TRPM4: variants seen among roughly 807,000 people sequenced by gnomAD.
The protein encoded by TRPM4 is calcium-activated non-selective cation channel 1.
In TRPM4, 124 loss-of-function variants were observed where a neutral mutation model predicts 135.6. The ratio of observed to expected loss-of-function variants is 0.91; its 90% CI spans 0.79 to 1.06. TRPM4 has a LOEUF of 1.06. Ranked by LOEUF, TRPM4 falls within the 50% of genes least tolerant of loss-of-function variation. The pLI is 0.00. For missense variants in TRPM4, 1,658 were observed against 1,671.4 expected (o/e 0.99, Z 0.14); for synonymous variants, 745 against 705.6 (o/e 1.06, Z -0.88).
intron 9 of TRPM4, among the ~76,000 whole-genome samples, chr19:49,179,433 C>T (rs1772790459): frequency 6.6e-6 from 1 of 151,948 alleles, no homozygotes; most frequent in African/African-American, 2.4e-5. Context: ...TCACTGCAAC[C>T]TCCACCTCCC....
Position 49,183,112 on chromosome 19 carries a change from T to C in TRPM4, c.1643T>C (p.Leu548Pro). ...YLLSDKATSP[L>P]SLDAGLGQAP... ...CTCTCGGACAAGGCCACCTCGCCGC[T>C]CTCGCTGGATGCTGGCCTCGGGCAG... is the stretch of plus-strand genomic sequence containing the variant. The change falls in exon 12 of 25, where the codon CTC (leucine) becomes CCC (proline). Residue 548 changes from leucine to proline, a missense_variant. Transcript: ENST00000252826. The C allele has an allele frequency of 6.2e-7, 1 of 1,613,532 alleles. No individual in the cohort carries two copies.
rs375523320 is a variant in TRPM4, at chr19:49,210,261, C to G, written c.3184C>G (p.Arg1062Gly). ...CAGCGATCTCTACTGGAAGGCGCAG[C>G]GTTACCGCCTCATCCGGGAATTCCA... is the stretch of plus-strand genomic sequence containing the variant. The part of the protein sequence containing the change: ...GNSDLYWKAQ[R>G]YRLIREFHSR... The change falls in exon 21 of 25, where the codon CGT (arginine) becomes GGT (glycine). Residue 1062 changes from arginine (R) to glycine (G), a missense_variant. By Grantham distance (125) the Arg-to-Gly change is moderately radical. Around this residue, in one of 3 missense-constraint regions of TRPM4, gnomAD observed 1,412 missense variants for 1,408.7 expected, o/e 1.00. Coordinates refer to ENST00000252826, the MANE Select transcript of TRPM4 (RefSeq NM_017636.4). This position sits in a 1 kb window ranked among gnomAD's most constrained non-coding sequence, Gnocchi z 4.1. The G allele has an allele frequency of 1.7e-5, 28 of 1,614,110 alleles. No homozygotes were observed. The highest frequency in any genetic ancestry group is 2.5e-6 in the Non-Finnish European group (3 of 1,180,058).
At position 49,202,083 on chromosome 19, in the gene TRPM4, G is replaced by A. The variant is rs186822052; in HGVS notation, c.3073G>A (p.Val1025Ile). The change falls in exon 20 of 25, where the codon GTC becomes ATC. Residue 1025 changes from valine to isoleucine, a missense_variant. Physicochemically the swap from Val to Ile is conservative, Grantham distance 29. Transcript: ENST00000252826. ...YANWLVVLLL[V>I]IFLLVANILL... is the part of the protein sequence containing the mutation. ...CAACTGGCTGGTGGTGCTGCTCCTCGTCATCTTCCTGCTCGTGGCCAACAT... is the reference window on the plus strand; with the variant it reads ...CAACTGGCTGGTGGTGCTGCTCCTCATCATCTTCCTGCTCGTGGCCAACAT... The A allele has an allele frequency of 2.2e-5, 35 of 1,613,914 alleles. 1 individual carries two copies. The highest frequency in any genetic ancestry group is 2.1e-4 in the African/African-American group (16 of 74,896).
intron 17 of TRPM4, among the ~76,000 whole-genome samples, chr19:49,197,561 T>G (rs1347660604): frequency 6.7e-6 from 1 of 149,716 alleles, no homozygotes; most frequent in East Asian, 2.0e-4. Flanking sequence ...ACCCTTGCCC[T>G]GCCTGCATTA....
chr19:49,164,553 AT>A (rs971828630), intron 2 of TRPM4, among the ~76,000 whole-genome samples: 1 of 148,110 alleles, frequency 6.8e-6, no homozygotes. Context: ...TAATTTTTGT[AT>A]TTTTTTTAGT....
At chr19:49,166,278 G>C in intron 3 of TRPM4, 63 bp downstream of exon 3, 1 of 1,500,614 alleles carries the variant, frequency 6.7e-7, no homozygotes, top group Non-Finnish European at 9.0e-7. Context: ...GGGCTCCAGA[G>C]TGGAGCCGGG....
chr19:49,195,836 C>T (rs1414913825), intron 16 of TRPM4, among the ~76,000 whole-genome samples: 1 of 150,296 alleles, frequency 6.7e-6, no homozygotes, highest in Non-Finnish European at 1.5e-5. Flanking sequence ...GGTGCTTGCC[C>T]CTACTACTGG....
At position 49,209,906 on chromosome 19, in the gene TRPM4, G is replaced by A. The variant is rs112657034; in HGVS notation, c.3132-303G>A. Among the ~76,000 whole-genome samples, 20 of 151,938 alleles carry A rather than the reference G, an allele frequency of 1.3e-4. 1 individual carries two copies. Among genetic ancestry groups the A allele is most frequent in the African/African-American group, 4.8e-4 (20 of 41,460 alleles). ...TGGGATTACAGGTGCCCACCACCACGCCTGGCTAATTTTTGTATTTTTAGT... is the reference window on the plus strand; with the variant it reads ...TGGGATTACAGGTGCCCACCACCACACCTGGCTAATTTTTGTATTTTTAGT... On this transcript the variant is annotated intron_variant, in intron 20 of 24. Coordinates refer to ENST00000252826, the MANE Select transcript of TRPM4 (RefSeq NM_017636.4).
In TRPM4 at chr19:49,210,608, G is replaced by A; in HGVS notation, c.3329-102G>A. The A allele has an allele frequency of 6.4e-7, 1 of 1,574,016 alleles. No individual in the cohort carries two copies. Among genetic ancestry groups the A allele is most frequent in the Admixed American group, 1.7e-5 (1 of 58,518 alleles). ...GGGGCATGTTCTCGAATCACCAGGG[G>A]CTGGGTCTGGGATAGCGTGCGTGTT... On this transcript the variant is annotated intron_variant, in intron 21 of 24. Coordinates refer to ENST00000252826, the MANE Select transcript of TRPM4 (RefSeq NM_017636.4). This position sits in a 1 kb window ranked among gnomAD's most constrained non-coding sequence, Gnocchi z 4.1.
intron 12 of TRPM4, 108 bp downstream of exon 12, chr19:49,183,320 G>A: frequency 2.7e-6 from 4 of 1,463,194 alleles, no homozygotes; most frequent in Middle Eastern, 2.1e-4. Context: ...TCACCTGACA[G>A]GCGCCCCATC....
At position 49,175,067 on chromosome 19, in the gene TRPM4, C is replaced by CTTTTTTT. The variant is rs772062913; in HGVS notation, c.1150+2978_1150+2984dup. The stretch of plus-strand genomic sequence containing the variant: ...CACAGGCATGTGCCATCATGCCTGG[C>CTTTTTTT]TTTTTTTTTTTTTTTTTTTTTTTTT... On this transcript the variant is annotated intron_variant, in intron 9 of 24. Coordinates refer to ENST00000252826, the MANE Select transcript of TRPM4 (RefSeq NM_017636.4). Among the ~76,000 whole-genome samples, 353 of 77,562 alleles carry CTTTTTTT rather than the reference C, an allele frequency of 4.6e-3. 44 individuals are homozygous for CTTTTTTT. The highest frequency in any genetic ancestry group is 0.018 in the African/African-American group (248 of 13,528). The allele number at this position is 77,562 out of a possible 152,430, so 50.9% of individuals were successfully genotyped here.
chr19:49,177,337 T>C (rs868007820), intron 9 of TRPM4, among the ~76,000 whole-genome samples: 1,893 of 131,642 alleles, frequency 0.014, 37 homozygotes, highest in Middle Eastern at 0.022. Flanking sequence ...CGTCTTTTTT[T>C]TTTTTTTTTT....
chr19:49,171,511 G>A lies in TRPM4; in HGVS notation c.859-67G>A, dbSNP rs1600420182. 6.2e-7 allele frequency: 1 copy of A among 1,612,494 alleles called. No individual in the cohort carries two copies. The highest frequency in any genetic ancestry group is 8.5e-7 in the Non-Finnish European group (1 of 1,178,686). On this transcript the variant is annotated intron_variant, in intron 7 of 24. Coordinates refer to ENST00000252826, the MANE Select transcript of TRPM4 (RefSeq NM_017636.4). This position sits in a 1 kb window ranked among gnomAD's most constrained non-coding sequence, Gnocchi z 4.7. ...AGTCTTAGGGAGGGTCTGGGGGTCT[G>A]ACTCCGGGTAGGGTGAATATCCTGC...
intron 16 of TRPM4, among the ~76,000 whole-genome samples, chr19:49,193,485 A>G (rs142257247): frequency 1.9e-4 from 29 of 152,250 alleles, no homozygotes; most frequent in African/African-American, 7.0e-4. Context: ...GCCTCAGATC[A>G]TGTGGTTGGT....
chr19:49,206,734 C>T (rs563056458), intron 20 of TRPM4, among the ~76,000 whole-genome samples: 2 of 152,240 alleles, frequency 1.3e-5, no homozygotes, highest in African/African-American at 2.4e-5. Context: ...CCACCGCGCC[C>T]GGCCAGTTGT....
At chr19:49,175,114 T>C (rs1472013079) in intron 9 of TRPM4, among the ~76,000 whole-genome samples, 5 of 144,670 alleles carry the variant, frequency 3.5e-5, no homozygotes, top group South Asian at 2.2e-4. Context: ...TCGCTCTTGT[T>C]GTCCAGGCTG....
rs756774754 is a variant in TRPM4 at position 49,168,284 on chromosome 19, T to C, written c.473T>C (p.Leu158Pro). 1.9e-6 allele frequency: 3 copies of C among 1,614,182 alleles called. No individual in the cohort carries two copies. The South Asian group carries it at 3.3e-5, about 18-fold the overall frequency. Residue 158 changes from leucine to proline, a missense_variant, in exon 5 of 25, where the codon CTG (leucine) becomes CCG (proline). By Grantham distance (98) the Leu-to-Pro change is moderately conservative. This residue lies in a region of TRPM4 where 239 missense variants were observed against 240.1 expected (regional missense o/e 1.00). Transcript: ENST00000252826. ...STGAWIVTGG[L>P]HTGIGRHVGV... is the part of the protein sequence containing the mutation. Reference sequence around the variant, plus strand: ...GGAGCCTGGATTGTCACTGGGGGTCTGCACACGGGCATCGGCCGGCATGTT... The same window carrying C: ...GGAGCCTGGATTGTCACTGGGGGTCCGCACACGGGCATCGGCCGGCATGTT...
intron 6 of TRPM4, among the ~76,000 whole-genome samples, chr19:49,170,582 C>T (rs896365881): frequency 2.0e-5 from 3 of 152,002 alleles, no homozygotes; most frequent in African/African-American, 7.3e-5. Context: ...GTTAGATAGC[C>T]CTTTCTATTC....
At chr19:49,201,170 GAGAT>G (rs1310286021) in intron 19 of TRPM4, among the ~76,000 whole-genome samples, 2 of 152,052 alleles carry the variant, frequency 1.3e-5, no homozygotes, top group East Asian at 3.8e-4. Context: ...CGGAACAAAG[GAGAT>G]AGGGTCATTT....
Sources: gnomAD v4.1 joint callset for allele counts (sites outside exome capture counted in the v4.1 genomes callset) on GRCh38, gnomAD v4.1.1 for gene constraint, gnomAD v4.1.1 regional missense constraint, Gnocchi (gnomAD v3.1) non-coding constraint, MANE v1.5 for transcripts, NCBI Gene and HGNC (gene_info 2026-07-23, HGNC 2026-07-21) for gene names.